FARP1: variants seen among roughly 807,000 people sequenced by gnomAD.
FARP1 encodes FERM, ARHGEF and pleckstrin domain-containing protein 1.
In FARP1, 52 loss-of-function variants were observed where a neutral mutation model predicts 128.8. The ratio of observed to expected loss-of-function variants is 0.40; its 90% CI spans 0.32 to 0.51. The LOEUF is 0.51. Ranked by LOEUF, FARP1 falls within the 20% of genes least tolerant of loss-of-function variation. The pLI, the probability that FARP1 is intolerant of heterozygous loss-of-function variation, is 0.45. For missense variants in FARP1, 1,333 were observed against 1,367.9 expected, an observed-to-expected ratio of 0.97 and a Z score of 0.40; for synonymous variants, 580 against 551.8, an observed-to-expected ratio of 1.05 and a Z score of -0.72.
intron 1 of FARP1, chr13:98,177,181 G>C: frequency 6.2e-7 from 1 of 1,600,952 alleles, no homozygotes; most frequent in Non-Finnish European, 8.5e-7. Context: ...GAAGAGGAAG[G>C]TGCATACCTG....
chr13:98,400,752 T>C (rs1269896328), intron 13 of FARP1: 3 of 152,204 alleles, frequency 2.0e-5, no homozygotes, highest in African/African-American at 7.2e-5. Context: ...ATTTCTCCTC[T>C]GATGGTCATG....
chr13:98,179,726 G>T (rs191116558), intron 1 of FARP1, among the ~76,000 whole-genome samples: 1 of 151,904 alleles, frequency 6.6e-6, no homozygotes, highest in Non-Finnish European at 1.5e-5. Context: ...GCGTGGTGGC[G>T]GGTGCCTGTA....
In FARP1 at chr13:98,393,702, C is replaced by T. The variant is rs376390860; in HGVS notation, c.1148C>T (p.Ser383Leu). The T allele has an allele frequency of 3.8e-5, 61 of 1,613,620 alleles. No individual in the cohort carries two copies. The highest frequency in any genetic ancestry group is 1.6e-4 in the Middle Eastern group (1 of 6,084). Residue 383 changes from serine (S) to leucine (L), a missense_variant, in exon 12 of 27, where the codon TCG becomes TTG. Coordinates refer to ENST00000319562, the MANE Select transcript of FARP1 (RefSeq NM_005766.4). ...GCTTCACAGCCTACAGAACTGAATTCGGAAGTGCTGGAGCAGGTCAGTGAT... is the reference window on the plus strand; with the variant it reads ...GCTTCACAGCCTACAGAACTGAATTTGGAAGTGCTGGAGCAGGTCAGTGAT... ...SLASQPTELN[S>L]EVLEQSQQST...
At chr13:98,218,536 TGAGGAAAGAGGTTTTTAATCTTA>T (rs1881229644) in intron 2 of FARP1, among the ~76,000 whole-genome samples, 1 of 152,186 alleles carries the variant, frequency 6.6e-6, no homozygotes, top group South Asian at 2.1e-4. Flanking sequence ...GTAAAATCTT[TGAGGAAAGAGGTTTTTAATCTTA>T]GAGCAAACCT....
intron 3 of FARP1, among the ~76,000 whole-genome samples, chr13:98,363,632 C>T (rs1276524721): frequency 6.6e-6 from 1 of 152,180 alleles, no homozygotes; most frequent in East Asian, 1.9e-4. Context: ...TAAGAGATTG[C>T]CAAAATTATT....
At chr13:98,284,467 C>T (rs926239052) in intron 2 of FARP1, among the ~76,000 whole-genome samples, 7 of 152,190 alleles carry the variant, frequency 4.6e-5, no homozygotes, top group Non-Finnish European at 1.0e-4. Context: ...GTTCCCCCAA[C>T]CCGAGAGCTA....
intron 2 of FARP1, among the ~76,000 whole-genome samples, chr13:98,236,251 T>C (rs1290591042): frequency 1.3e-5 from 2 of 152,166 alleles, no homozygotes; most frequent in Non-Finnish European, 2.9e-5. Context: ...CGGGAAAAAG[T>C]GATTTTGTGA....
At chr13:98,385,918 A>T in intron 8 of FARP1, 104 bp downstream of exon 8, 1 of 1,249,444 alleles carries the variant, frequency 8.0e-7, no homozygotes, top group Admixed American at 2.4e-5. Context: ...TCTGATGGTT[A>T]TTTTTCGGCG....
intron 6 of FARP1, among the ~76,000 whole-genome samples, chr13:98,379,186 T>C (rs1460081840): frequency 1.2e-4 from 9 of 75,264 alleles, no homozygotes; most frequent in Non-Finnish European, 1.4e-4. Context: ...ATATAATATA[T>C]ATAATATATA....
chr13:98,415,512 G>A (rs1408395946), intron 16 of FARP1, among the ~76,000 whole-genome samples: 1 of 152,242 alleles, frequency 6.6e-6, no homozygotes, highest in East Asian at 1.9e-4. Flanking sequence ...TGGGGGACTT[G>A]CACTCTCAAA....
At chr13:98,355,236 T>G (rs1429031701) in intron 3 of FARP1, among the ~76,000 whole-genome samples, 1 of 151,898 alleles carries the variant, frequency 6.6e-6, no homozygotes, top group Non-Finnish European at 1.5e-5. Context: ...TCCTAGCTAC[T>G]TGAGGGGGCT....
At chr13:98,211,732 A>G (rs1880723124) in intron 1 of FARP1, among the ~76,000 whole-genome samples, 1 of 152,192 alleles carries the variant, frequency 6.6e-6, no homozygotes, top group Non-Finnish European at 1.5e-5. Flanking sequence ...TCCATGATGG[A>G]AGGCTTCCCT....
chr13:98,297,541 C>CTA (rs1885751434), intron 2 of FARP1, among the ~76,000 whole-genome samples: 1 of 152,222 alleles, frequency 6.6e-6, no homozygotes, highest in Admixed American at 6.5e-5. Context: ...CTACAGCCAA[C>CTA]TGTAGGTACG....
intron 1 of FARP1, among the ~76,000 whole-genome samples, chr13:98,183,810 T>C (rs1337047309): frequency 6.6e-6 from 1 of 152,176 alleles, no homozygotes; most frequent in Non-Finnish European, 1.5e-5. Flanking sequence ...ACAATTGTTA[T>C]TTCTTTTACC....
chr13:98,268,818 G>GTGTGTGTGTA (rs901859010), intron 2 of FARP1, among the ~76,000 whole-genome samples: 40 of 144,504 alleles, frequency 2.8e-4, no homozygotes, highest in African/African-American at 1.0e-3. Context: ...GTGTGTGTGT[G>GTGTGTGTGTA]TATACAGCTT....
chr13:98,238,876 T>A (rs1882601590), intron 2 of FARP1, among the ~76,000 whole-genome samples: 1 of 152,284 alleles, frequency 6.6e-6, no homozygotes, highest in South Asian at 2.1e-4. Context: ...CTACTCAGAT[T>A]TTTGACTGTG....
intron 1 of FARP1, among the ~76,000 whole-genome samples, chr13:98,169,245 T>C (rs1231043823): frequency 6.6e-6 from 1 of 152,188 alleles, no homozygotes; most frequent in African/African-American, 2.4e-5. Flanking sequence ...TGGGTTGTAC[T>C]CTAGGCGTAG....
At chr13:98,174,104 C>T (rs368008846) in intron 1 of FARP1, among the ~76,000 whole-genome samples, 6 of 152,310 alleles carry the variant, frequency 3.9e-5, no homozygotes, top group South Asian at 2.1e-4. Context: ...GGAAGGAAAT[C>T]GGCCAAAATG....
chr13:98,257,945 A>G (rs1210565261), intron 2 of FARP1, among the ~76,000 whole-genome samples: 2 of 152,190 alleles, frequency 1.3e-5, no homozygotes, highest in African/African-American at 4.8e-5. Flanking sequence ...GTGTACATCT[A>G]TCAAAACATC....
Sources: gnomAD v4.1 joint callset for allele counts (sites outside exome capture counted in the v4.1 genomes callset) on GRCh38, gnomAD v4.1.1 for gene constraint, MANE v1.5 for transcripts, NCBI Gene and HGNC (gene_info 2026-07-23, HGNC 2026-07-21) for gene names.